EDDM13: variants seen among roughly 807,000 people sequenced by gnomAD.
EDDM13 encodes epididymal protein 13.
In EDDM13, 24 loss-of-function variants were observed where a neutral mutation model predicts 17.8. That is an observed-to-expected ratio of 1.35 (90% CI 0.98 to 1.90). EDDM13 has a LOEUF of 1.90. EDDM13 is among the 40% of genes most tolerant of loss of function. The probability of loss-of-function intolerance (pLI) is 0.00; values close to 1 mark genes in which losing one functional copy is unlikely to be tolerated. For synonymous variants in EDDM13, 31 were observed against 37.5 expected (o/e 0.83, Z 0.63); for missense variants, 97 against 100.8 (o/e 0.96, Z 0.16).
chr19:56,303,059 G>A (rs2040450284), intron 13 of EDDM13: 1 of 395,132 alleles, frequency 2.5e-6, no homozygotes, highest in Non-Finnish European at 4.5e-6. Flanking sequence ...TCTGCAGGAG[G>A]TGACACCTCT....
At chr19:56,293,070 C>T (rs2039625436) in intron 9 of EDDM13, among the ~76,000 whole-genome samples, 1 of 152,278 alleles carries the variant, frequency 6.6e-6, no homozygotes, top group South Asian at 2.1e-4. Context: ...CCATCCTGTC[C>T]ATGCCCCACA....
At chr19:56,308,759 T>C (rs1410378210) in intron 14 of EDDM13, among the ~76,000 whole-genome samples, 1 of 152,222 alleles carries the variant, frequency 6.6e-6, no homozygotes, top group Non-Finnish European at 1.5e-5. Flanking sequence ...ACCTAAGCAA[T>C]GCTTTGGTTC....
At position 56,296,587 on chromosome 19, in the gene EDDM13, C is replaced by T. The variant is rs1266218526; in HGVS notation, c.268+225C>T. The stretch of plus-strand genomic sequence containing the variant: ...GTTATTCTAGGTGTTAGAGATGCAG[C>T]AGAGGATAAAACAGACAGAAGTCTG... On this transcript the variant is annotated intron_variant, in intron 11 of 14. Transcript: ENST00000649256. Among the ~76,000 whole-genome samples, 4 of 152,022 alleles carry T rather than the reference C, an allele frequency of 2.6e-5. No homozygotes were observed. The East Asian group carries it at 7.7e-4, about 29-fold the overall frequency.
intron 13 of EDDM13, among the ~76,000 whole-genome samples, chr19:56,303,622 A>G (rs192596119): frequency 6.6e-6 from 1 of 152,236 alleles, no homozygotes; most frequent in African/African-American, 2.4e-5. Context: ...ACGTGTGTAG[A>G]GGACCCATCC....
Position 56,308,317 on chromosome 19 carries a change from C to T in EDDM13, c.462-1807C>T, listed in dbSNP as rs575709082. ...AAAGTGCTGGGATTACAGGCGTGAG[C>T]GGTGGCTCCCAGTCTTTTTTTTTTG... On this transcript the variant is annotated intron_variant, in intron 14 of 14. Coordinates refer to ENST00000649256, the MANE Select transcript of EDDM13 (RefSeq NM_001354658.2). Among the ~76,000 whole-genome samples, 8 of 151,210 alleles carry T rather than the reference C, an allele frequency of 5.3e-5. No individual in the cohort carries two copies. In the East Asian group the frequency reaches 9.8e-4, roughly 19 times the overall value.
intron 12 of EDDM13, chr19:56,298,120 C>T (rs1018978091): frequency 3.3e-5 from 5 of 149,310 alleles, no homozygotes; most frequent in South Asian, 2.1e-4. Flanking sequence ...TTTTGAAAAG[C>T]GTAATACAAA....
intron 9 of EDDM13, among the ~76,000 whole-genome samples, chr19:56,294,415 T>C (rs1474304507): frequency 6.6e-6 from 1 of 152,256 alleles, no homozygotes; most frequent in Non-Finnish European, 1.5e-5. Flanking sequence ...GATTCTATTT[T>C]CCTACCTGAT....
intron 2 of EDDM13, 44 bp from the exon 3 acceptor site, chr19:56,281,649 T>G (rs374259394): frequency 1.0e-6 from 1 of 980,244 alleles, no homozygotes; most frequent in African/African-American, 1.8e-5. Flanking sequence ...TCCTTGAATT[T>G]TCCATGTTGA....
rs1390013660 is a variant in EDDM13 at position 56,281,698 on chromosome 19, T to G, written c.109T>G (p.Leu37Val). 1.0e-6 allele frequency: 1 copy of G among 985,396 alleles called. No homozygotes were observed. The highest frequency in any genetic ancestry group is 1.2e-6 in the Non-Finnish European group (1 of 829,900). 61.0% of individuals were successfully genotyped at this position (985,396 alleles called of 1,614,324 possible). A position where few individuals can be genotyped will look rare whatever the true frequency, so the allele number is the denominator to read the frequency against. Residue 37 changes from leucine to valine, a missense_variant and splice_region_variant, in exon 3 of 15, where the codon TTG (leucine) becomes GTG (valine). Coordinates refer to ENST00000649256, the MANE Select transcript of EDDM13 (RefSeq NM_001354658.2). ...GGCTCTGCTGCCCCTTCCAGTCAACTGTAAGTCATATCTCCTTCTCCCTAC... is the reference window on the plus strand; with the variant it reads ...GGCTCTGCTGCCCCTTCCAGTCAACGGTAAGTCATATCTCCTTCTCCCTAC... ...REVATKEKIN[L>V]LKGIIGLMSR...
At chr19:56,284,235 C>T (rs2038934820) in intron 5 of EDDM13, 29 bp downstream of exon 5, 2 of 958,938 alleles carry the variant, frequency 2.1e-6, no homozygotes, top group Admixed American at 6.2e-5. Context: ...CACAATGCCC[C>T]CAGACTGTGC....
At chr19:56,295,058 C>T (rs930183300) in intron 9 of EDDM13, 2 of 152,168 alleles carry the variant, frequency 1.3e-5, no homozygotes, top group African/African-American at 2.4e-5. Context: ...TACACGGTTT[C>T]TTTTTCAGGT....
At chr19:56,290,514 A>G (rs191464891) in intron 8 of EDDM13, among the ~76,000 whole-genome samples, 436 of 152,274 alleles carry the variant, frequency 2.9e-3, no homozygotes, top group Middle Eastern at 0.017. Context: ...ATATCTAAAG[A>G]AGGAGGATGT....
At chr19:56,287,935 A>C (rs8106073) in intron 6 of EDDM13, among the ~76,000 whole-genome samples, 28,714 of 152,238 alleles carry the variant, frequency 0.19, 2,826 homozygotes, top group Middle Eastern at 0.35. Flanking sequence ...TTCCAGTGTT[A>C]GCTCTGAAAC....
Position 56,308,851 on chromosome 19 carries a change from C to T in EDDM13, c.462-1273C>T, listed in dbSNP as rs571945344. On this transcript the variant is annotated intron_variant, in intron 14 of 14. Coordinates refer to ENST00000649256, the MANE Select transcript of EDDM13 (RefSeq NM_001354658.2). Reference sequence around the variant, plus strand: ...GGTGTTGAACGGTTTCTCAGGCTCTCTTCAACCATACATTAAAGCACCGGT... The same window carrying T: ...GGTGTTGAACGGTTTCTCAGGCTCTTTTCAACCATACATTAAAGCACCGGT... 4.4e-3 allele frequency among the ~76,000 whole-genome samples: 673 copies of T among 152,284 alleles called. 3 individuals are homozygous for T. Among genetic ancestry groups the T allele is most frequent in the Non-Finnish European group, 7.4e-3 (502 of 68,026 alleles).
At chr19:56,289,135 G>A (rs998804479) in intron 8 of EDDM13, among the ~76,000 whole-genome samples, 4 of 152,118 alleles carry the variant, frequency 2.6e-5, no homozygotes, top group Admixed American at 1.3e-4. Context: ...GGTTTGTAGC[G>A]ACTACCACTT....
intron 12 of EDDM13, among the ~76,000 whole-genome samples, chr19:56,301,388 C>T (rs1193679789): frequency 6.6e-6 from 1 of 152,032 alleles, no homozygotes; most frequent in African/African-American, 2.4e-5. Context: ...TGTGAACTGT[C>T]ATGGTACTGG....
At chr19:56,273,865 G>A (rs1300715248) in intron 1 of EDDM13, among the ~76,000 whole-genome samples, 1 of 152,180 alleles carries the variant, frequency 6.6e-6, no homozygotes, top group African/African-American at 2.4e-5. Flanking sequence ...TTAGGAGCGT[G>A]TGTGTGCATG....
chr19:56,307,254 C>T (rs2040748818), intron 14 of EDDM13, among the ~76,000 whole-genome samples: 1 of 152,232 alleles, frequency 6.6e-6, no homozygotes, highest in South Asian at 2.1e-4. Flanking sequence ...CCTGGCATCC[C>T]CAGTGCCCTT....
chr19:56,302,580 CCCCTTTTCTTCCTCT>C (rs55713318), intron 13 of EDDM13, among the ~76,000 whole-genome samples: 19,442 of 77,118 alleles, frequency 0.25, 3,053 homozygotes, highest in African/African-American at 0.5. Context: ...TTTCTTCCTC[CCCCTTTTCTTCCTCT>C]CCCTCTTCTT....
Sources: gnomAD v4.1 joint callset for allele counts (sites outside exome capture counted in the v4.1 genomes callset) on GRCh38, gnomAD v4.1.1 for gene constraint, MANE v1.5 for transcripts, NCBI Gene and HGNC (gene_info 2026-07-23, HGNC 2026-07-21) for gene names.